The following LDB2 variants were observed in gnomAD, a reference collection of about 807,000 sequenced individuals.
LDB2 encodes the protein LIM domain binding 2.
LDB2 carries 12 observed loss-of-function variants against 44.3 expected under a neutral mutation model. The observed-to-expected ratio is 0.27, with a 90% CI of 0.17 to 0.44. The LOEUF (loss-of-function observed/expected upper bound fraction) is 0.44, where lower values mean the gene tolerates loss of function less well. Ranked by LOEUF, LDB2 falls within the 20% of genes least tolerant of loss-of-function variation. LDB2 has a pLI of 1.00. For missense variants in LDB2, 344 were observed against 473.5 expected (o/e 0.73, Z 2.54); for synonymous variants, 164 against 174.8 (o/e 0.94, Z 0.49).
chr4:16,708,808 T>C (rs1315940109), intron 2 of LDB2, among the ~76,000 whole-genome samples: 1 of 152,006 alleles, frequency 6.6e-6, no homozygotes, highest in Non-Finnish European at 1.5e-5. Context: ...CTGTGGGAGC[T>C]ATCTTTCCCC....
At chr4:16,532,500 C>G (rs1447704324) in intron 5 of LDB2, among the ~76,000 whole-genome samples, 1 of 152,168 alleles carries the variant, frequency 6.6e-6, no homozygotes, top group Non-Finnish European at 1.5e-5. Context: ...AATAAGCTGA[C>G]AAACTTCAGG....
intron 1 of LDB2, among the ~76,000 whole-genome samples, chr4:16,874,286 AAAG>A (rs1487549232): frequency 4.6e-5 from 7 of 152,150 alleles, no homozygotes; most frequent in South Asian, 2.1e-4. Flanking sequence ...TTAAAGTGAG[AAAG>A]AAGGTTACAA....
intron 2 of LDB2, among the ~76,000 whole-genome samples, chr4:16,672,531 T>A (rs1049094643): frequency 2.0e-5 from 3 of 152,176 alleles, no homozygotes; most frequent in Non-Finnish European, 2.9e-5. Flanking sequence ...GTTTCTTTTT[T>A]AAACTATACT....
chr4:16,691,226 A>G (rs1220013637), intron 2 of LDB2, among the ~76,000 whole-genome samples: 1 of 152,082 alleles, frequency 6.6e-6, no homozygotes, highest in Non-Finnish European at 1.5e-5. Flanking sequence ...TTTCAGCTGG[A>G]CTATGCTACC....
chr4:16,866,226 G>A (rs996877890), intron 1 of LDB2, among the ~76,000 whole-genome samples: 1 of 152,068 alleles, frequency 6.6e-6, no homozygotes, highest in Non-Finnish European at 1.5e-5. Context: ...ATGATACTAA[G>A]TTAATAAAGA....
At chr4:16,576,294 A>G (rs1711554199) in intron 5 of LDB2, among the ~76,000 whole-genome samples, 1 of 152,148 alleles carries the variant, frequency 6.6e-6, no homozygotes, top group South Asian at 2.1e-4. Context: ...GAAGGAAATG[A>G]AGGTTGGTTT....
At chr4:16,545,355 C>G (rs1203596847) in intron 5 of LDB2, among the ~76,000 whole-genome samples, 1 of 152,256 alleles carries the variant, frequency 6.6e-6, no homozygotes, top group South Asian at 2.1e-4. Context: ...AAAGACATAG[C>G]AGATAAAGAG....
At chr4:16,875,913 A>G (rs1165668435) in intron 1 of LDB2, among the ~76,000 whole-genome samples, 1 of 152,218 alleles carries the variant, frequency 6.6e-6, no homozygotes, top group Admixed American at 6.5e-5. Context: ...TTTGATTCTT[A>G]GAACCCTGGA....
intron 5 of LDB2, among the ~76,000 whole-genome samples, chr4:16,521,263 C>T (rs373328177): frequency 2.6e-5 from 4 of 152,128 alleles, no homozygotes; most frequent in Non-Finnish European, 4.4e-5. Flanking sequence ...CTGAAGGCTC[C>T]CATGAAGAAT....
chr4:16,606,838 A>G (rs1056458578), intron 2 of LDB2, among the ~76,000 whole-genome samples: 5 of 152,248 alleles, frequency 3.3e-5, no homozygotes, highest in African/African-American at 1.2e-4. Context: ...ACTCAAACCA[A>G]TGGGGACACC....
At chr4:16,548,418 A>G (rs1736512965) in intron 5 of LDB2, among the ~76,000 whole-genome samples, 1 of 151,920 alleles carries the variant, frequency 6.6e-6, no homozygotes, top group Non-Finnish European at 1.5e-5. Flanking sequence ...TTTCTCCTCA[A>G]GTTGGACTTA....
chr4:16,759,592 CT>C (rs1019415348), intron 1 of LDB2, among the ~76,000 whole-genome samples: 6 of 152,012 alleles, frequency 3.9e-5, no homozygotes, highest in Admixed American at 1.3e-4. Context: ...ATACACTTGA[CT>C]TTTTTTTCTC....
At chr4:16,661,406 T>G (rs919841162) in intron 2 of LDB2, among the ~76,000 whole-genome samples, 6 of 152,208 alleles carry the variant, frequency 3.9e-5, no homozygotes, top group Non-Finnish European at 7.3e-5. Flanking sequence ...AGAAATGGAC[T>G]GAGAGGGTTA....
chr4:16,592,434 T>C (rs1311275711), intron 3 of LDB2, among the ~76,000 whole-genome samples: 1 of 148,260 alleles, frequency 6.7e-6, no homozygotes, highest in African/African-American at 2.5e-5. Flanking sequence ...TGGTACTGCA[T>C]ATGTAAACGC....
chr4:16,763,554 A>G (rs973655855), intron 1 of LDB2, among the ~76,000 whole-genome samples: 1 of 152,102 alleles, frequency 6.6e-6, no homozygotes, highest in Non-Finnish European at 1.5e-5. Flanking sequence ...GAGATTTAAG[A>G]CAAAAATTAC....
chr4:16,509,768 G>A (rs1414809772), intron 6 of LDB2, among the ~76,000 whole-genome samples: 2 of 152,150 alleles, frequency 1.3e-5, no homozygotes, highest in Admixed American at 1.3e-4. Context: ...TGGAGAGAAG[G>A]CAACTCAGGG....
intron 1 of LDB2, among the ~76,000 whole-genome samples, chr4:16,761,469 C>T (rs1320778143): frequency 6.6e-6 from 1 of 152,142 alleles, no homozygotes; most frequent in Admixed American, 6.5e-5. Flanking sequence ...GACTGCCTGG[C>T]GTTTCACAGT....
chr4:16,894,058 C>G (rs1724208013), intron 1 of LDB2, among the ~76,000 whole-genome samples: 1 of 151,950 alleles, frequency 6.6e-6, no homozygotes, highest in African/African-American at 2.4e-5. Context: ...GGGCTGAGAC[C>G]TAAAAATGAA....
chr4:16,525,222 CG>C lies in LDB2; in HGVS notation c.616-13119del, dbSNP rs1179304070. On this transcript the variant is annotated intron_variant, in intron 5 of 7. Coordinates refer to ENST00000304523, the MANE Select transcript of LDB2 (RefSeq NM_001290.5). ...CTAAGGCTGCTGTTTGGGAGGATTT[CG>C]GGGCTGCTGATCAGTGTGGGGATGT... Among the ~76,000 whole-genome samples the C allele has an allele frequency of 2.0e-5, 3 of 152,092 alleles. 1 individual carries two copies. The highest frequency in any genetic ancestry group is 1.3e-4 in the Admixed American group (2 of 15,268).
Sources: gnomAD v4.1 joint callset for allele counts (sites outside exome capture counted in the v4.1 genomes callset) on GRCh38, gnomAD v4.1.1 for gene constraint, MANE v1.5 for transcripts, NCBI Gene and HGNC (gene_info 2026-07-23, HGNC 2026-07-21) for gene names.